AQR: variants seen among roughly 807,000 people sequenced by gnomAD.
The protein encoded by AQR is aquarius intron-binding spliceosomal factor.
AQR carries 61 observed loss-of-function variants against 180.5 expected under a neutral mutation model. The observed-to-expected ratio is 0.34, with a 90% CI of 0.28 to 0.42. The LOEUF is 0.42. AQR is among the 10% of genes least tolerant of loss of function. AQR has a pLI of 1.00. For missense variants in AQR, 1,281 were observed against 1,798.3 expected (o/e 0.71, Z 5.20); for synonymous variants, 551 against 588.8 (o/e 0.94, Z 0.93).
chr15:34,955,424 T>C (rs1231733326), intron 3 of AQR, among the ~76,000 whole-genome samples: 1 of 152,020 alleles, frequency 6.6e-6, no homozygotes, highest in Non-Finnish European at 1.5e-5. Flanking sequence ...CCCAACAACC[T>C]CCTCTTTTCA....
chr15:34,928,165 T>A (rs1296376159), intron 12 of AQR, among the ~76,000 whole-genome samples: 2 of 152,134 alleles, frequency 1.3e-5, no homozygotes, highest in South Asian at 2.1e-4. Context: ...TGTCTCCACA[T>A]ACCTAGTAGG....
At chr15:34,948,160 G>T in intron 5 of AQR, 104 bp downstream of exon 5, 3 of 1,298,462 alleles carry the variant, frequency 2.3e-6, no homozygotes, top group Non-Finnish European at 3.1e-6. Context: ...TTATTACTGG[G>T]TAAAGTTCTG....
At position 34,853,478 on chromosome 15, in the gene AQR, T is replaced by C. The variant is rs1892543469; in HGVS notation, c.*3314A>G. 1 of 152,202 alleles carries C rather than the reference T, an allele frequency of 6.6e-6. No homozygotes were observed. Among genetic ancestry groups the C allele is most frequent in the Non-Finnish European group, 1.5e-5 (1 of 68,040 alleles). 9.4% of individuals were successfully genotyped at this position (152,202 alleles called of 1,614,324 possible). Reference sequence around the variant, plus strand: ...CTGCTTATACTGTTCTGACAGAATTTTAATTTTGGCAGAGATCACTCTCGA... The same window carrying C: ...CTGCTTATACTGTTCTGACAGAATTCTAATTTTGGCAGAGATCACTCTCGA... On this transcript the variant is annotated 3_prime_UTR_variant, in exon 35 of 35. Transcript: ENST00000156471.
At position 34,875,921 on chromosome 15, in the gene AQR, C is replaced by T. The variant is rs1184578514; in HGVS notation, c.3237+14G>A. ...GAACTCTATTTTCTTTGCCTCAGAT[C>T]TTATATTTCTTACCTGTAGAAGAAG... is the stretch of plus-strand genomic sequence containing the variant. On this transcript the variant is annotated intron_variant, in intron 28 of 34. Coordinates refer to ENST00000156471, the MANE Select transcript of AQR (RefSeq NM_014691.3). 1 of 1,590,388 alleles carries T rather than the reference C, an allele frequency of 6.3e-7. No individual in the cohort carries two copies. The highest frequency in any genetic ancestry group is 1.3e-5 in the African/African-American group (1 of 74,472).
At chr15:34,938,872 A>G (rs1042859570) in intron 8 of AQR, 59 bp from the exon 9 acceptor site, 6 of 1,265,596 alleles carry the variant, frequency 4.7e-6, no homozygotes, top group African/African-American at 1.5e-5. Flanking sequence ...TCAAAAGTAA[A>G]CTTTAAATGT....
chr15:34,860,705 T>C (rs1810424306), intron 33 of AQR, among the ~76,000 whole-genome samples: 1 of 152,234 alleles, frequency 6.6e-6, no homozygotes, highest in Admixed American at 6.5e-5. Context: ...ACTTATATTT[T>C]TCTAAAAAGT....
intron 5 of AQR, among the ~76,000 whole-genome samples, chr15:34,946,649 C>A: frequency 7.0e-6 from 1 of 143,578 alleles, no homozygotes; most frequent in African/African-American, 2.6e-5. Flanking sequence ...CCTGGCCGCC[C>A]CTACTGGAAA....
At chr15:34,937,811 G>A (rs1437310290) in intron 9 of AQR, among the ~76,000 whole-genome samples, 1 of 151,918 alleles carries the variant, frequency 6.6e-6, no homozygotes, top group African/African-American at 2.4e-5. Context: ...TTGATCCCAG[G>A]AGACGGAGGT....
chr15:34,935,067 G>A (rs116071143), intron 9 of AQR, among the ~76,000 whole-genome samples: 1,598 of 152,074 alleles, frequency 0.011, 28 homozygotes, highest in African/African-American at 0.036. Context: ...ACACACATAC[G>A]TATATGTACA....
chr15:34,944,458 G>T, intron 5 of AQR, 30 bp from the exon 6 acceptor site: 1 of 1,573,382 alleles, frequency 6.4e-7, no homozygotes, highest in Non-Finnish European at 8.6e-7. Context: ...AATTCATTTT[G>T]TATTGGCTTG....
intron 6 of AQR, chr15:34,942,991 A>G (rs893753584): frequency 4.2e-6 from 6 of 1,420,314 alleles, no homozygotes; most frequent in Non-Finnish European, 5.8e-6. Flanking sequence ...TTTCTGATAA[A>G]AAAATCACAT....
chr15:34,925,211 A>G (rs1287412901), intron 13 of AQR, among the ~76,000 whole-genome samples: 3 of 152,230 alleles, frequency 2.0e-5, no homozygotes, highest in Non-Finnish European at 4.4e-5. Context: ...AGCAAAGGAA[A>G]ATAAGAAGGT....
At chr15:34,928,419 T>C (rs978153424) in intron 12 of AQR, among the ~76,000 whole-genome samples, 1 of 152,188 alleles carries the variant, frequency 6.6e-6, no homozygotes, top group Non-Finnish European at 1.5e-5. Context: ...AATGTTCAAC[T>C]CCTGCTTATG....
At chr15:34,912,368 T>G (rs1893513904) in intron 16 of AQR, among the ~76,000 whole-genome samples, 1 of 152,162 alleles carries the variant, frequency 6.6e-6, no homozygotes, top group Non-Finnish European at 1.5e-5. Flanking sequence ...TGTTCTCTTC[T>G]GTTTTTCTGT....
At chr15:34,873,695 T>C (rs561554318) in intron 30 of AQR, 133 bp downstream of exon 30, 3 of 647,900 alleles carry the variant, frequency 4.6e-6, no homozygotes, top group African/African-American at 1.8e-5. Flanking sequence ...GAAATCGATT[T>C]TTCATATGCT....
At position 34,964,440 on chromosome 15, in the gene AQR, G is replaced by C. The variant is rs1409700679; in HGVS notation, c.76-150C>G. ...TCTGAAGGCACTACACAGGCATGCAGGCCAGTTGGCATCCTTGACCCCAAA... is the reference window on the plus strand; with the variant it reads ...TCTGAAGGCACTACACAGGCATGCACGCCAGTTGGCATCCTTGACCCCAAA... On this transcript the variant is annotated intron_variant, in intron 1 of 34. Transcript: ENST00000156471. 6 of 721,992 alleles carry C rather than the reference G, an allele frequency of 8.3e-6. No individual in the cohort carries two copies. The Admixed American group carries it at 1.0e-4, about 12-fold the overall frequency. The allele number at this position is 721,992 out of a possible 1,614,324, so 44.7% of individuals were successfully genotyped here.
At chr15:34,946,550 T>C (rs1208007686) in intron 5 of AQR, among the ~76,000 whole-genome samples, 91 of 91,254 alleles carry the variant, frequency 1.0e-3, no homozygotes, top group African/African-American at 2.6e-3. Context: ...GCCCCCCGCC[T>C]GGCCAGCCGC....
rs778340352 is a variant in AQR at position 34,952,845 on chromosome 15, C to A, written c.209+40G>T. 2.9e-6 allele frequency: 4 copies of A among 1,371,664 alleles called. No homozygotes were observed. In the South Asian group the frequency reaches 3.9e-5, roughly 13 times the overall value. The allele number at this position is 1,371,664 out of a possible 1,614,324, so 85.0% of individuals were successfully genotyped here. On this transcript the variant is annotated intron_variant, in intron 4 of 34. Transcript: ENST00000156471. ...CAGAAAATTTAGCTAAAACTGAAAT[C>A]ACATTATCTCTTTCATCAATGGAAT...
At chr15:34,899,812 A>T (rs1044224110) in intron 20 of AQR, among the ~76,000 whole-genome samples, 1 of 152,196 alleles carries the variant, frequency 6.6e-6, no homozygotes, top group Admixed American at 6.5e-5. Context: ...GGGAATAACA[A>T]CCAATTATTT....
Sources: gnomAD v4.1 joint callset for allele counts (sites outside exome capture counted in the v4.1 genomes callset) on GRCh38, gnomAD v4.1.1 for gene constraint, MANE v1.5 for transcripts, NCBI Gene and HGNC (gene_info 2026-07-23, HGNC 2026-07-21) for gene names.